Variants in COL23A1 observed in about 807,000 individuals in gnomAD.
COL23A1 encodes the protein collagen alpha-1(XXIII) chain.
COL23A1 carries 97 observed loss-of-function variants against 99.3 expected under a neutral mutation model. The ratio of observed to expected loss-of-function variants is 0.98; its 90% CI spans 0.83 to 1.16. COL23A1 has a LOEUF of 1.16. COL23A1 is among the 50% of genes most tolerant of loss of function. The pLI, the probability that COL23A1 is intolerant of heterozygous loss-of-function variation, is 0.00. For synonymous variants in COL23A1, 320 were observed against 308.2 expected, an observed-to-expected ratio of 1.04 and a Z score of -0.40; for missense variants, 762 against 757.4, an observed-to-expected ratio of 1.01 and a Z score of -0.07.
intron 2 of COL23A1, among the ~76,000 whole-genome samples, chr5:178,557,355 G>C (rs1259256726): frequency 6.6e-6 from 1 of 152,236 alleles, no homozygotes; most frequent in Non-Finnish European, 1.5e-5. Context: ...CACAGGTACT[G>C]GGGGTTAGGA....
intron 2 of COL23A1, among the ~76,000 whole-genome samples, chr5:178,556,717 C>T (rs1203623758): frequency 6.6e-6 from 1 of 151,560 alleles, no homozygotes; most frequent in Non-Finnish European, 1.5e-5. Context: ...CTTTGGGAGG[C>T]TGAGGCAGGT....
intron 2 of COL23A1, among the ~76,000 whole-genome samples, chr5:178,448,575 G>T (rs1767300926): frequency 6.6e-6 from 1 of 152,204 alleles, no homozygotes; most frequent in Non-Finnish European, 1.5e-5. Flanking sequence ...GGGCCTTCCT[G>T]CAGCATCATA....
intron 2 of COL23A1, among the ~76,000 whole-genome samples, chr5:178,316,482 T>C (rs1041740774): frequency 3.9e-5 from 6 of 152,190 alleles, no homozygotes; most frequent in Non-Finnish European, 5.9e-5. Flanking sequence ...GTGTGGAGCT[T>C]TGGAGACTCA....
intron 19 of COL23A1, 135 bp downstream of exon 19, chr5:178,248,982 C>G: frequency 2.5e-6 from 2 of 807,404 alleles, no homozygotes; most frequent in Admixed American, 1.8e-5. Context: ...CCTAGAGTGT[C>G]CCCGGCCGGC....
rs1213445522 is a variant in COL23A1 at position 178,306,472 on chromosome 5, G to A, written c.406+403C>T. Among the ~76,000 whole-genome samples, 1 of 151,982 alleles carries A rather than the reference G, an allele frequency of 6.6e-6. No homozygotes were observed. The highest frequency in any genetic ancestry group is 2.4e-5 in the African/African-American group (1 of 41,350). On this transcript the variant is annotated intron_variant, in intron 3 of 28. Coordinates refer to ENST00000390654, the MANE Select transcript of COL23A1 (RefSeq NM_173465.4). This position sits in a 1 kb window ranked among gnomAD's most constrained non-coding sequence, Gnocchi z 4.1. ...AGTCTCCTCCTGGCGGCTCTGCCAA[G>A]GAAGGACAGGCCACGTCTGGGGAGG...
chr5:178,419,552 G>A (rs1351028387), intron 2 of COL23A1, among the ~76,000 whole-genome samples: 3 of 152,206 alleles, frequency 2.0e-5, no homozygotes, highest in Admixed American at 1.3e-4. Context: ...GTGCTGGGGG[G>A]CAGTGGGTTG....
At chr5:178,321,725 G>C (rs1236069854) in intron 2 of COL23A1, among the ~76,000 whole-genome samples, 1 of 151,952 alleles carries the variant, frequency 6.6e-6, no homozygotes, top group African/African-American at 2.4e-5. Context: ...TCCCGACCTT[G>C]TGATCCACCC....
Position 178,590,320 on chromosome 5 carries a change from G to C in COL23A1, c.-123C>G, listed in dbSNP as rs530263830. Reference sequence around the variant, plus strand: ...CCGCCGGGCGCGGGGGTTAGCCTCCGGGTAGCAGCGGATCGCCGCGCACGC... The same window carrying C: ...CCGCCGGGCGCGGGGGTTAGCCTCCCGGTAGCAGCGGATCGCCGCGCACGC... On this transcript the variant is annotated 5_prime_UTR_variant, in exon 1 of 29. Coordinates refer to ENST00000390654, the MANE Select transcript of COL23A1 (RefSeq NM_173465.4). This position sits in a 1 kb window ranked among gnomAD's most constrained non-coding sequence, Gnocchi z 5.7. 2,199 of 884,670 alleles carry C rather than the reference G, an allele frequency of 2.5e-3. 51 individuals carry two copies. In the African/African-American group the frequency reaches 0.035, roughly 14 times the overall value. 54.8% of individuals were successfully genotyped at this position (884,670 alleles called of 1,614,324 possible).
intron 2 of COL23A1, among the ~76,000 whole-genome samples, chr5:178,465,924 A>G (rs1322848097): frequency 6.6e-6 from 1 of 152,154 alleles, no homozygotes; most frequent in Non-Finnish European, 1.5e-5. Flanking sequence ...TGGCGAGTCT[A>G]ACTCAGCGCA....
At chr5:178,513,513 AAGGTGT>A (rs1413851471) in intron 2 of COL23A1, among the ~76,000 whole-genome samples, 1 of 152,126 alleles carries the variant, frequency 6.6e-6, no homozygotes, top group African/African-American at 2.4e-5. Flanking sequence ...GGCTAAAATC[AAGGTGT>A]AGGCAGGCTA....
intron 3 of COL23A1, among the ~76,000 whole-genome samples, chr5:178,294,867 T>C (rs1411372218): frequency 6.6e-6 from 1 of 152,154 alleles, no homozygotes; most frequent in Non-Finnish European, 1.5e-5. Flanking sequence ...CTAGGCCGTG[T>C]GCGGTGGCTC....
intron 2 of COL23A1, among the ~76,000 whole-genome samples, chr5:178,383,136 GC>G (rs1056988119): frequency 3.3e-5 from 5 of 152,122 alleles, no homozygotes; most frequent in Admixed American, 2.0e-4. Context: ...CCAGGCTGCT[GC>G]CTCCCCCTCC....
chr5:178,506,067 T>G (rs1315556670), intron 2 of COL23A1, among the ~76,000 whole-genome samples: 1 of 152,038 alleles, frequency 6.6e-6, no homozygotes, highest in Non-Finnish European at 1.5e-5. Flanking sequence ...GCAGAGCCGG[T>G]GAAGCACGTG....
intron 2 of COL23A1, among the ~76,000 whole-genome samples, chr5:178,399,526 G>A (rs1561937233): frequency 6.6e-6 from 1 of 152,216 alleles, no homozygotes; most frequent in Non-Finnish European, 1.5e-5. Flanking sequence ...ATGGAAGGGA[G>A]CAGCTGACGG....
chr5:178,408,238 T>A (rs1365932054), intron 2 of COL23A1, among the ~76,000 whole-genome samples: 1 of 152,090 alleles, frequency 6.6e-6, no homozygotes, highest in Non-Finnish European at 1.5e-5. Flanking sequence ...CCTTCAGGAA[T>A]AAAGGGGAAA....
intron 2 of COL23A1, among the ~76,000 whole-genome samples, chr5:178,358,006 A>G (rs992037436): frequency 6.8e-5 from 8 of 118,042 alleles, no homozygotes; most frequent in Admixed American, 2.6e-4. Context: ...GTGTATATGT[A>G]TGTGTGTGTA....
At chr5:178,327,782 C>T (rs959972749) in intron 2 of COL23A1, among the ~76,000 whole-genome samples, 17 of 152,134 alleles carry the variant, frequency 1.1e-4, no homozygotes, top group Admixed American at 6.5e-4. Context: ...CCTCTGAAGG[C>T]CTCCTGGGTG....
intron 2 of COL23A1, among the ~76,000 whole-genome samples, chr5:178,520,167 A>G (rs139879867): frequency 6.6e-6 from 1 of 152,282 alleles, no homozygotes; most frequent in African/African-American, 2.4e-5. Context: ...TTGGATGGTC[A>G]GACGGGTGAA....
At chr5:178,254,878 A>C in intron 16 of COL23A1, 71 bp downstream of exon 16, 1 of 1,355,482 alleles carries the variant, frequency 7.4e-7, no homozygotes, top group Non-Finnish European at 1.1e-6. Flanking sequence ...AGGATTAATC[A>C]CAAAGGGAGT....
Sources: allele counts gnomAD v4.1 joint callset (sites outside exome capture counted in the v4.1 genomes callset), GRCh38; gene constraint gnomAD v4.1.1; non-coding constraint Gnocchi (gnomAD v3.1); transcripts MANE v1.5; gene names NCBI Gene and HGNC (gene_info 2026-07-23, HGNC 2026-07-21).